ZC3H14: variants seen among roughly 807,000 people sequenced by gnomAD.
ZC3H14 encodes the protein zinc finger CCCH domain-containing protein 14.
In ZC3H14, 31 loss-of-function variants were observed where a neutral mutation model predicts 92.4. The ratio of observed to expected loss-of-function variants is 0.34; its 90% CI spans 0.25 to 0.45. The LOEUF (loss-of-function observed/expected upper bound fraction) is 0.45, where lower values mean the gene tolerates loss of function less well. ZC3H14 is among the 20% of genes least tolerant of loss of function. ZC3H14 has a pLI of 1.00. For synonymous variants in ZC3H14, 321 were observed against 300.9 expected, an observed-to-expected ratio of 1.07 and a Z score of -0.69; for missense variants, 781 against 897.3, an observed-to-expected ratio of 0.87 and a Z score of 1.66.
Position 88,611,814 on chromosome 14 carries a change from A to G in ZC3H14, c.*63A>G. ...AAGTTTTCATGTACTGATGAAAGAT[A>G]CTCTACAGAACTTGTCAAATCTTTG... On this transcript the variant is annotated 3_prime_UTR_variant, in exon 17 of 17. Coordinates refer to ENST00000251038, the MANE Select transcript of ZC3H14 (RefSeq NM_024824.5). The G allele has an allele frequency of 1.2e-6, 2 of 1,600,346 alleles. No homozygotes were observed. Among genetic ancestry groups the G allele is most frequent in the Non-Finnish European group, 1.7e-6 (2 of 1,170,768 alleles).
Position 88,575,930 on chromosome 14 carries a change from C to T in ZC3H14, c.1113C>T (p.Asn371=). The T allele has an allele frequency of 6.2e-6, 10 of 1,608,432 alleles. No individual in the cohort carries two copies. Among genetic ancestry groups the T allele is most frequent in the Non-Finnish European group, 7.7e-6 (9 of 1,175,054 alleles). The change falls in exon 8 of 17, where the codon AAC becomes AAT. Residue 371 remains asparagine, a synonymous_variant. Transcript: ENST00000251038. ...AAGAATCCGTAACAAAAACAACTAA[C>T]TACTCTACAGGTAATTTAAATGTAT... The part of the protein sequence containing the change: ...EAQESVTKTT[N]YSTVPQKQTL...
rs2088884069 is a variant in ZC3H14, at chr14:88,621,355, T to C, written c.*9604T>C. The C allele has an allele frequency of 6.2e-7, 1 of 1,600,904 alleles. No homozygotes were observed. Among genetic ancestry groups the C allele is most frequent in the Non-Finnish European group, 8.5e-7 (1 of 1,169,976 alleles). On this transcript the variant is annotated 3_prime_UTR_variant, in exon 17 of 17. Coordinates refer to ENST00000251038, the MANE Select transcript of ZC3H14 (RefSeq NM_024824.5). Reference sequence around the variant, plus strand: ...AATGTAATACAACAGCTGCTTTTCTTCTTCATAATATAAAAATGACCCTAT... The same window carrying C: ...AATGTAATACAACAGCTGCTTTTCTCCTTCATAATATAAAAATGACCCTAT...
chr14:88,569,947 G>A (rs960161885), intron 3 of ZC3H14, among the ~76,000 whole-genome samples: 4 of 151,776 alleles, frequency 2.6e-5, no homozygotes, highest in Admixed American at 6.6e-5. Flanking sequence ...TTCCCTCCCA[G>A]CCCCCCACAA....
At chr14:88,571,541 G>A (rs1396303671) in intron 4 of ZC3H14, among the ~76,000 whole-genome samples, 1 of 152,102 alleles carries the variant, frequency 6.6e-6, no homozygotes, top group African/African-American at 2.4e-5. Context: ...TAAAAAATGT[G>A]TATATATGCT....
In ZC3H14 at chr14:88,596,742, C is replaced by G. The variant is rs2083879121; in HGVS notation, c.1288C>G (p.Gln430Glu). The G allele has an allele frequency of 6.2e-7, 1 of 1,613,814 alleles. No individual in the cohort carries two copies. Among genetic ancestry groups the G allele is most frequent in the Non-Finnish European group, 8.5e-7 (1 of 1,179,870 alleles). Residue 430 changes from glutamine to glutamate, a missense_variant, in exon 10 of 17, where the codon CAG (glutamine) becomes GAG (glutamate). Physicochemically the swap from Gln to Glu is conservative, Grantham distance 29. Transcript: ENST00000251038. ...DSVEKNQGTQ[Q>E]RQLLSRLQID... ...TAAAATTTATATTCTAGGAACTCAA[C>G]AGAGGCAATTATTATCCCGACTGCA...
intron 6 of ZC3H14, 27 bp from the exon 7 acceptor site, chr14:88,574,666 G>A: frequency 6.2e-7 from 1 of 1,613,648 alleles, no homozygotes; most frequent in Non-Finnish European, 8.5e-7. Context: ...CTGAGATTAG[G>A]TAAGCATAAA....
chr14:88,627,219 C>T lies in ZC3H14; in HGVS notation c.*15468C>T, dbSNP rs1211872913. The T allele has an allele frequency of 2.9e-5, 18 of 631,444 alleles. No homozygotes were observed. The allele number at this position is 631,444 out of a possible 1,614,324, so 39.1% of individuals were successfully genotyped here. A position where few individuals can be genotyped will look rare whatever the true frequency, so the allele number is the denominator to read the frequency against. ...TTTACAATTATTTGTGTATTGAGTC[C>T]TTTTCACTTATCTTCGCTCCATTAA... On this transcript the variant is annotated 3_prime_UTR_variant, in exon 17 of 17. Transcript: ENST00000251038.
At chr14:88,563,540 CG>C (rs1246779112) in intron 1 of ZC3H14, 110 bp from the exon 2 acceptor site, 3 of 1,582,168 alleles carry the variant, frequency 1.9e-6, no homozygotes, top group Non-Finnish European at 2.6e-6. Context: ...AGCCCCCGCC[CG>C]GGGGATCCGA....
Position 88,572,086 on chromosome 14 carries a change from A to G in ZC3H14, c.292A>G (p.Asn98Asp), listed in dbSNP as rs778278915. 6.2e-7 allele frequency: 1 copy of G among 1,614,198 alleles called. No individual in the cohort carries two copies. Among genetic ancestry groups the G allele is most frequent in the Non-Finnish European group, 8.5e-7 (1 of 1,180,040 alleles). The change falls in exon 5 of 17, where the codon AAC (asparagine) becomes GAC (aspartate). Residue 98 changes from asparagine to aspartate, a missense_variant. Physicochemically the swap from Asn to Asp is conservative, Grantham distance 23. Coordinates refer to ENST00000251038, the MANE Select transcript of ZC3H14 (RefSeq NM_024824.5). ...TNIFDSNVPS[N>D]KSNFSRGDER... ...CATCTTTGATAGTAACGTGCCTTCA[A>G]ACAAGAGCAATTTCAGTCGGGGAGA...
chr14:88,579,805 A>G (rs995168576), intron 9 of ZC3H14, among the ~76,000 whole-genome samples: 5 of 152,344 alleles, frequency 3.3e-5, no homozygotes, highest in Admixed American at 6.5e-5. Context: ...ACAAAACAGC[A>G]TTGTTTCAAT....
At chr14:88,567,188 G>A (rs866899504) in intron 2 of ZC3H14, among the ~76,000 whole-genome samples, 29 of 149,628 alleles carry the variant, frequency 1.9e-4, no homozygotes, top group African/African-American at 6.4e-4. Flanking sequence ...GGATCTGAGC[G>A]CACTGCAAGC....
At chr14:88,594,611 G>A (rs533658937) in intron 9 of ZC3H14, 1 of 1,593,662 alleles carries the variant, frequency 6.3e-7, no homozygotes, top group African/African-American at 1.3e-5. Context: ...TAAGGTAACA[G>A]CCTTGATCAC....
chr14:88,582,742 A>T (rs1430155164), intron 9 of ZC3H14, among the ~76,000 whole-genome samples: 1 of 152,162 alleles, frequency 6.6e-6, no homozygotes, highest in Non-Finnish European at 1.5e-5. Context: ...ACCTTTGCTG[A>T]TGAGGAGTTT....
At chr14:88,611,281 AT>A (rs796735608) in intron 16 of ZC3H14, among the ~76,000 whole-genome samples, 10 of 151,580 alleles carry the variant, frequency 6.6e-5, no homozygotes, top group African/African-American at 2.4e-4. Context: ...TACCTGGCTA[AT>A]TTTTTTTATT....
rs189177659 is a variant in ZC3H14, at chr14:88,583,274, G to A, written c.1279+5134G>A. 1.1e-3 allele frequency among the ~76,000 whole-genome samples: 163 copies of A among 151,634 alleles called. 2 individuals are homozygous for A. In the East Asian group the frequency reaches 0.024, roughly 22 times the overall value. On this transcript the variant is annotated intron_variant, in intron 9 of 16. Coordinates refer to ENST00000251038, the MANE Select transcript of ZC3H14 (RefSeq NM_024824.5). ...AGGGACCATAGGCACACGCCACCAC[G>A]CCCAGCTAATGTTTAAGTTTTTTTG...
chr14:88,618,974 G>T lies in ZC3H14; in HGVS notation c.*7223G>T. Reference sequence around the variant, plus strand: ...TGATCATGTATACTGAGATTGTCTGGGTTACATGAAATAAGGAAGCTTTAT... The same window carrying T: ...TGATCATGTATACTGAGATTGTCTGTGTTACATGAAATAAGGAAGCTTTAT... On this transcript the variant is annotated 3_prime_UTR_variant, in exon 17 of 17. Coordinates refer to ENST00000251038, the MANE Select transcript of ZC3H14 (RefSeq NM_024824.5). 2 of 534,616 alleles carry T rather than the reference G, an allele frequency of 3.7e-6. No homozygotes were observed. The highest frequency in any genetic ancestry group is 6.0e-6 in the Non-Finnish European group (2 of 330,878). The allele number at this position is 534,616 out of a possible 1,614,324, so 33.1% of individuals were successfully genotyped here.
rs12587531 is a variant in ZC3H14 at position 88,620,427 on chromosome 14, A to T, written c.*8676A>T. 44,500 of 203,358 alleles carry T rather than the reference A, an allele frequency of 0.22. 5,918 individuals carry two copies. The highest frequency in any genetic ancestry group is 0.47 in the East Asian group (4,158 of 8,788). 12.6% of individuals were successfully genotyped at this position (203,358 alleles called of 1,614,324 possible). On this transcript the variant is annotated 3_prime_UTR_variant, in exon 17 of 17. Coordinates refer to ENST00000251038, the MANE Select transcript of ZC3H14 (RefSeq NM_024824.5). The surrounding 1 kb of genome is among the most constrained non-coding windows in gnomAD (Gnocchi z 4.3). Reference sequence around the variant, plus strand: ...CACAACTTTAGTTTTCCAGGGTGACAACTTTTGAAGGGCAGATAGCTCTCT... The same window carrying T: ...CACAACTTTAGTTTTCCAGGGTGACTACTTTTGAAGGGCAGATAGCTCTCT...
Position 88,601,963 on chromosome 14 carries a change from G to T in ZC3H14, c.1394G>T (p.Arg465Ile). The change falls in exon 11 of 17, where the codon AGA becomes ATA. Residue 465 changes from arginine to isoleucine, a missense_variant. Physicochemically the swap from Arg to Ile is moderately conservative, Grantham distance 97. Around this residue, in one of 3 missense-constraint regions of ZC3H14, gnomAD observed 454 missense variants for 438.5 expected, o/e 1.04. Coordinates refer to ENST00000251038, the MANE Select transcript of ZC3H14 (RefSeq NM_024824.5). ...DMESMVHADT[R>I]SFILKKPKLS... ...GAATCCATGGTCCATGCAGACACAA[G>T]ATCATTTATTCTGAAGAAGCCAAAG... 1 of 1,614,122 alleles carries T rather than the reference G, an allele frequency of 6.2e-7. No homozygotes were observed. The highest frequency in any genetic ancestry group is 8.5e-7 in the Non-Finnish European group (1 of 1,179,994).
At chr14:88,571,847 C>T (rs1346866119) in intron 4 of ZC3H14, among the ~76,000 whole-genome samples, 183 bp from the exon 5 acceptor site, 1 of 152,098 alleles carries the variant, frequency 6.6e-6, no homozygotes, top group Non-Finnish European at 1.5e-5. Flanking sequence ...GCCTGTAATC[C>T]CAGCTACTTG....
Sources: allele counts gnomAD v4.1 joint callset (sites outside exome capture counted in the v4.1 genomes callset), GRCh38; gene constraint gnomAD v4.1.1; regional missense constraint gnomAD v4.1.1; non-coding constraint Gnocchi (gnomAD v3.1); transcripts MANE v1.5; gene names NCBI Gene and HGNC (gene_info 2026-07-23, HGNC 2026-07-21).